The following ATXN7L1 variants were observed in gnomAD, a reference collection of about 807,000 sequenced individuals.
ATXN7L1 encodes ataxin 7 like 1, also known as ataxin-7-like protein 1.
ATXN7L1 carries 15 observed loss-of-function variants against 70.8 expected under a neutral mutation model. That is an observed-to-expected ratio of 0.21 (90% CI 0.14 to 0.33). The LOEUF (loss-of-function observed/expected upper bound fraction) is 0.33, where lower values mean the gene tolerates loss of function less well. Ranked by LOEUF, ATXN7L1 falls within the 10% of genes least tolerant of loss-of-function variation. ATXN7L1 has a pLI of 1.00. For missense variants in ATXN7L1, 975 were observed against 1,097.1 expected, an observed-to-expected ratio of 0.89 and a Z score of 1.57; for synonymous variants, 440 against 445.1, an observed-to-expected ratio of 0.99 and a Z score of 0.14.
intron 11 of ATXN7L1, 134 bp downstream of exon 11, chr7:105,610,395 G>A (rs1182474135): frequency 7.6e-6 from 6 of 788,708 alleles, no homozygotes; most frequent in Non-Finnish European, 1.2e-5. Flanking sequence ...GAAGGCCTAG[G>A]TTTGGAAGCC....
intron 3 of ATXN7L1, among the ~76,000 whole-genome samples, chr7:105,765,713 T>C (rs1359540913): frequency 1.3e-5 from 2 of 152,172 alleles, no homozygotes; most frequent in African/African-American, 4.8e-5. Flanking sequence ...CATGCTAGAT[T>C]TCTCCTTCAA....
At chr7:105,832,156 C>A (rs866349483) in intron 2 of ATXN7L1, among the ~76,000 whole-genome samples, 7 of 152,054 alleles carry the variant, frequency 4.6e-5, no homozygotes, top group Middle Eastern at 3.2e-3. Context: ...TAATATAAAG[C>A]TTTTAAGAAT....
intron 3 of ATXN7L1, among the ~76,000 whole-genome samples, chr7:105,706,254 C>T (rs1221244865): frequency 6.7e-6 from 1 of 150,266 alleles, no homozygotes; most frequent in Non-Finnish European, 1.5e-5. Flanking sequence ...AGTGCAGTGG[C>T]ACTATCTCAG....
intron 2 of ATXN7L1, chr7:105,819,896 C>A: frequency 1.8e-6 from 1 of 555,108 alleles, no homozygotes; most frequent in South Asian, 1.4e-5. Flanking sequence ...AGAAACTTTG[C>A]CTACGTGGGG....
At chr7:105,831,835 T>C (rs888331225) in intron 2 of ATXN7L1, among the ~76,000 whole-genome samples, 6 of 152,078 alleles carry the variant, frequency 3.9e-5, no homozygotes, top group African/African-American at 1.4e-4. Flanking sequence ...AGAACAGGGA[T>C]GTGGGGTGGG....
intron 2 of ATXN7L1, among the ~76,000 whole-genome samples, chr7:105,824,645 A>G (rs866100082): frequency 1.1e-4 from 17 of 152,260 alleles, no homozygotes; most frequent in South Asian, 6.2e-4. Context: ...ATAAGGTCCA[A>G]TATCTGACAA....
At chr7:105,738,540 G>A (rs1396071666) in intron 3 of ATXN7L1, among the ~76,000 whole-genome samples, 1 of 152,170 alleles carries the variant, frequency 6.6e-6, no homozygotes, top group African/African-American at 2.4e-5. Flanking sequence ...TTCGTTAACT[G>A]ATTTAACTTG....
At chr7:105,722,816 T>A (rs1795355048) in intron 3 of ATXN7L1, among the ~76,000 whole-genome samples, 1 of 151,294 alleles carries the variant, frequency 6.6e-6, no homozygotes, top group South Asian at 2.1e-4. Flanking sequence ...ACCAGGGAAG[T>A]GGAGGTTGCA....
intron 2 of ATXN7L1, among the ~76,000 whole-genome samples, chr7:105,816,519 G>T (rs921517817): frequency 2.6e-5 from 4 of 152,224 alleles, no homozygotes; most frequent in African/African-American, 9.6e-5. Context: ...ACCTATAAAT[G>T]TGATTTTCGT....
intron 3 of ATXN7L1, among the ~76,000 whole-genome samples, chr7:105,746,749 A>G (rs1054916284): frequency 6.6e-6 from 1 of 152,238 alleles, no homozygotes; most frequent in Non-Finnish European, 1.5e-5. Flanking sequence ...TACTAGATTA[A>G]TAAATGAATG....
chr7:105,658,001 A>T (rs1310158073), intron 4 of ATXN7L1, among the ~76,000 whole-genome samples: 1 of 152,206 alleles, frequency 6.6e-6, no homozygotes, highest in Non-Finnish European at 1.5e-5. Context: ...TTGAAGACTT[A>T]TGAAAAGAAA....
At chr7:105,803,098 G>A (rs908763910) in intron 2 of ATXN7L1, among the ~76,000 whole-genome samples, 6 of 152,050 alleles carry the variant, frequency 3.9e-5, no homozygotes, top group Non-Finnish European at 8.8e-5. Flanking sequence ...TTCTACCCCT[G>A]TGTCAAATCC....
chr7:105,773,511 G>A (rs929999012), intron 3 of ATXN7L1, among the ~76,000 whole-genome samples: 1 of 152,116 alleles, frequency 6.6e-6, no homozygotes, highest in Non-Finnish European at 1.5e-5. Flanking sequence ...TCCTGGAATC[G>A]AGAAAATACC....
chr7:105,781,200 C>T (rs574112879), intron 3 of ATXN7L1, among the ~76,000 whole-genome samples: 2 of 152,086 alleles, frequency 1.3e-5, no homozygotes, highest in Admixed American at 6.5e-5. Flanking sequence ...GCTGAGAAAC[C>T]CTGCTTTACT....
At chr7:105,613,647 A>G in intron 10 of ATXN7L1, 1 of 1,421,954 alleles carries the variant, frequency 7.0e-7, no homozygotes, top group Non-Finnish European at 9.2e-7. Context: ...ATAACCGTAA[A>G]GTGCCGAGAA....
rs765522233 is a variant in ATXN7L1, at chr7:105,624,226, T to C, written c.1244A>G (p.Asn415Ser). The change falls in exon 8 of 12, where the codon AAT (asparagine) becomes AGT (serine). Residue 415 changes from asparagine (N) to serine (S), a missense_variant. Physicochemically the swap from Asn to Ser is conservative, Grantham distance 46. Transcript: ENST00000419735. The part of the protein sequence containing the change: ...ANSISSSTSS[N>S]HSGHTPEPPL... ...GGGCTCTGGAGTGTGGCCGCTATGA[T>C]TTGAAGATGTGCTGCTGCTTATGCT... is the stretch of plus-strand genomic sequence containing the variant. 1.3e-6 allele frequency: 2 copies of C among 1,497,924 alleles called. No homozygotes were observed. Among genetic ancestry groups the C allele is most frequent in the Non-Finnish European group, 1.8e-6 (2 of 1,117,454 alleles). The allele number at this position is 1,497,924 out of a possible 1,614,324, so 92.8% of individuals were successfully genotyped here.
chr7:105,733,845 T>C (rs1171601899), intron 3 of ATXN7L1, among the ~76,000 whole-genome samples: 16 of 73,058 alleles, frequency 2.2e-4, no homozygotes, highest in African/African-American at 5.0e-4. Context: ...CGTCCACCCA[T>C]CCATCCATCC....
chr7:105,857,243 A>G (rs951963782), intron 2 of ATXN7L1, among the ~76,000 whole-genome samples: 2 of 152,212 alleles, frequency 1.3e-5, no homozygotes, highest in African/African-American at 4.8e-5. Flanking sequence ...CCCATGTAAA[A>G]CCACAAACCA....
intron 3 of ATXN7L1, among the ~76,000 whole-genome samples, chr7:105,715,404 G>C (rs1290294691): frequency 1.3e-5 from 2 of 152,166 alleles, no homozygotes; most frequent in Non-Finnish European, 2.9e-5. Flanking sequence ...TAGCAGCCTC[G>C]GTACTTCCTC....
Sources: gnomAD v4.1 joint callset for allele counts (sites outside exome capture counted in the v4.1 genomes callset) on GRCh38, gnomAD v4.1.1 for gene constraint, MANE v1.5 for transcripts, NCBI Gene and HGNC (gene_info 2026-07-23, HGNC 2026-07-21) for gene names.